Variants in TCF12 observed in about 807,000 individuals in gnomAD.
The protein encoded by TCF12 is DNA-binding protein HTF4.
A neutral mutation model predicts 86.0 loss-of-function variants in TCF12; 45 were observed. That is an observed-to-expected ratio of 0.52 (90% CI 0.41 to 0.67). TCF12 has a LOEUF of 0.67. TCF12 is among the 30% of genes least tolerant of loss of function. The pLI is 0.00. For synonymous variants in TCF12, 330 were observed against 299.6 expected, an observed-to-expected ratio of 1.10 and a Z score of -1.05; for missense variants, 881 against 859.9, an observed-to-expected ratio of 1.02 and a Z score of -0.31.
Position 57,135,916 on chromosome 15 carries a change from G to GA in TCF12, c.326-30480dup, listed in dbSNP as rs374965580. ...ATCTATTCTAGCTGTGTTAGAGGGG[G>GA]AAAAAATCTGGATTTTTTTTTTTTC... is the stretch of plus-strand genomic sequence containing the variant. On this transcript the variant is annotated intron_variant, in intron 5 of 20. Coordinates refer to ENST00000333725, the MANE Select transcript of TCF12 (RefSeq NM_207037.2). Among the ~76,000 whole-genome samples the GA allele has an allele frequency of 1.3e-3, 186 of 147,578 alleles. 4 individuals carry two copies. Among genetic ancestry groups the GA allele is most frequent in the African/African-American group, 3.7e-3 (153 of 40,870 alleles).
chr15:57,062,181 C>T (rs2068508497), intron 3 of TCF12, among the ~76,000 whole-genome samples: 1 of 152,122 alleles, frequency 6.6e-6, no homozygotes, highest in African/African-American at 2.4e-5. Context: ...TGGTCTCGAT[C>T]TCCTGACCTT....
At chr15:57,250,739 G>A (rs2060072352) in intron 13 of TCF12, among the ~76,000 whole-genome samples, 1 of 150,200 alleles carries the variant, frequency 6.7e-6, no homozygotes, top group African/African-American at 2.5e-5. Context: ...AAAAAAAAAA[G>A]AAAAAAAATT....
intron 3 of TCF12, among the ~76,000 whole-genome samples, chr15:56,938,798 C>T (rs1187266937): frequency 6.6e-6 from 1 of 152,102 alleles, no homozygotes; most frequent in Non-Finnish European, 1.5e-5. Flanking sequence ...AGGGTTAAAG[C>T]TTCCACATAT....
At chr15:57,200,417 G>T (rs975391903) in intron 8 of TCF12, among the ~76,000 whole-genome samples, 3 of 151,910 alleles carry the variant, frequency 2.0e-5, no homozygotes, top group African/African-American at 2.4e-5. Context: ...ATAAACTTTT[G>T]ACATGCAAAC....
At chr15:57,063,021 CA>C (rs1279075793) in intron 3 of TCF12, among the ~76,000 whole-genome samples, 1 of 152,076 alleles carries the variant, frequency 6.6e-6, no homozygotes, top group African/African-American at 2.4e-5. Flanking sequence ...TAATGGAGCC[CA>C]AGTGTCAGAA....
At chr15:57,233,372 C>G (rs1474764432) in intron 11 of TCF12, among the ~76,000 whole-genome samples, 1 of 151,384 alleles carries the variant, frequency 6.6e-6, no homozygotes, top group Non-Finnish European at 1.5e-5. Flanking sequence ...GAGACAGGGT[C>G]TCATTATGTG....
intron 5 of TCF12, among the ~76,000 whole-genome samples, chr15:57,145,929 T>C (rs2053326680): frequency 1.3e-5 from 2 of 152,236 alleles, no homozygotes; most frequent in South Asian, 4.1e-4. Flanking sequence ...AAAATGCAAG[T>C]TCTAGTTCAG....
intron 4 of TCF12, among the ~76,000 whole-genome samples, chr15:57,077,381 A>ATATTT (rs1555499285): frequency 9.2e-6 from 1 of 108,484 alleles, no homozygotes; most frequent in African/African-American, 4.1e-5. Flanking sequence ...GTGTATATAT[A>ATATTT]TTTTTTTTTT....
At chr15:57,018,320 G>A (rs1418159875) in intron 3 of TCF12, among the ~76,000 whole-genome samples, 1 of 152,218 alleles carries the variant, frequency 6.6e-6, no homozygotes, top group Non-Finnish European at 1.5e-5. Flanking sequence ...GTTAAGCTAT[G>A]TGTGTGGCAT....
chr15:57,150,873 CCCTTCCTTCCTTCCTT>C (rs374734642), intron 5 of TCF12, among the ~76,000 whole-genome samples: 724 of 40,654 alleles, frequency 0.018, 22 homozygotes, highest in African/African-American at 0.052. Context: ...CCCCCTCTGT[CCCTTCCTTCCTTCCTT>C]CCTTCCTTCC....
At chr15:56,927,111 T>C (rs758762117) in intron 3 of TCF12, among the ~76,000 whole-genome samples, 10 of 152,200 alleles carry the variant, frequency 6.6e-5, no homozygotes, top group African/African-American at 2.4e-4. Context: ...GACTCAAGAT[T>C]GCAGTTCTGA....
At position 57,009,718 on chromosome 15, in the gene TCF12, T is replaced by G. The variant is rs561127638; in HGVS notation, c.149-54032T>G. On this transcript the variant is annotated intron_variant, in intron 3 of 20. Coordinates refer to ENST00000333725, the MANE Select transcript of TCF12 (RefSeq NM_207037.2). Reference sequence around the variant, plus strand: ...CAAAGATTAAGTTCACGTAGGACATTTCTTAATTTCTCAACTCAAATTTAT... The same window carrying G: ...CAAAGATTAAGTTCACGTAGGACATGTCTTAATTTCTCAACTCAAATTTAT... 9.2e-5 allele frequency among the ~76,000 whole-genome samples: 14 copies of G among 152,338 alleles called. No homozygotes were observed. The South Asian group carries it at 2.7e-3, about 29-fold the overall frequency.
At chr15:57,211,783 GTC>G (rs1250136120) in intron 8 of TCF12, among the ~76,000 whole-genome samples, 1 of 152,160 alleles carries the variant, frequency 6.6e-6, no homozygotes, top group Non-Finnish European at 1.5e-5. Context: ...GCGAAACCCT[GTC>G]TCTACTAAAA....
intron 12 of TCF12, among the ~76,000 whole-genome samples, chr15:57,243,232 G>C (rs16977344): frequency 0.018 from 2,753 of 152,162 alleles, 42 homozygotes; most frequent in Non-Finnish European, 0.029. Context: ...TTTTCACCTA[G>C]AATAATAAAT....
At chr15:57,204,826 T>A (rs2057732203) in intron 8 of TCF12, among the ~76,000 whole-genome samples, 1 of 152,072 alleles carries the variant, frequency 6.6e-6, no homozygotes, top group Non-Finnish European at 1.5e-5. Context: ...ATGAATAATT[T>A]TAAAACTATG....
chr15:57,118,989 C>T (rs552221939), intron 5 of TCF12, among the ~76,000 whole-genome samples: 2 of 152,226 alleles, frequency 1.3e-5, no homozygotes, highest in African/African-American at 4.8e-5. Flanking sequence ...CTATCAACCA[C>T]TCTCTCAGAA....
chr15:56,989,547 A>AGT (rs147479048), intron 3 of TCF12, among the ~76,000 whole-genome samples: 9 of 152,110 alleles, frequency 5.9e-5, no homozygotes, highest in African/African-American at 1.7e-4. Flanking sequence ...TATATTTTAC[A>AGT]GTGTGTGTGT....
intron 5 of TCF12, among the ~76,000 whole-genome samples, chr15:57,107,262 A>G (rs2050194553): frequency 6.9e-6 from 1 of 145,836 alleles, no homozygotes; most frequent in Non-Finnish European, 1.5e-5. Context: ...CCATGAAGAG[A>G]GATGGAGGAA....
intron 3 of TCF12, among the ~76,000 whole-genome samples, chr15:56,934,507 C>G (rs2060382662): frequency 6.6e-6 from 1 of 152,154 alleles, no homozygotes; most frequent in Non-Finnish European, 1.5e-5. Flanking sequence ...TTGGATCTGT[C>G]TGCTGATGAC....
Sources: allele counts gnomAD v4.1 joint callset (sites outside exome capture counted in the v4.1 genomes callset), GRCh38; gene constraint gnomAD v4.1.1; transcripts MANE v1.5; gene names NCBI Gene and HGNC (gene_info 2026-07-23, HGNC 2026-07-21).